The following B3GNT2 variants were observed in gnomAD, a reference collection of about 807,000 sequenced individuals.
The protein encoded by B3GNT2 is N-acetyllactosaminide beta-1,3-N-acetylglucosaminyltransferase 2.
In B3GNT2, 12 loss-of-function variants were observed where a neutral mutation model predicts 27.6. The ratio of observed to expected loss-of-function variants is 0.44; its 90% confidence interval spans 0.28 to 0.71. The LOEUF is 0.71. Ranked by LOEUF, B3GNT2 falls within the 30% of genes least tolerant of loss-of-function variation. B3GNT2 has a pLI of 0.17. For missense variants in B3GNT2, 413 were observed against 488.5 expected (o/e 0.85, Z 1.46); for synonymous variants, 192 against 189.7 (o/e 1.01, Z -0.10).
At chr2:62,216,903 C>T (rs544698592) in intron 1 of B3GNT2, among the ~76,000 whole-genome samples, 15 of 152,350 alleles carry the variant, frequency 9.8e-5, no homozygotes, top group Non-Finnish European at 2.2e-4. Context: ...TTCCCATGTT[C>T]CAGTACAATG....
chr2:62,218,555 C>A (rs985145692), intron 1 of B3GNT2, among the ~76,000 whole-genome samples: 1 of 152,128 alleles, frequency 6.6e-6, no homozygotes, highest in Non-Finnish European at 1.5e-5. Flanking sequence ...TGATCCCGTG[C>A]CATAATCAGC....
At chr2:62,201,956 C>G (rs543657949) in intron 1 of B3GNT2, among the ~76,000 whole-genome samples, 60 of 152,340 alleles carry the variant, frequency 3.9e-4, no homozygotes, top group African/African-American at 1.3e-3. Flanking sequence ...CTACTTGTAC[C>G]TTTGTTAGTG....
At chr2:62,208,141 A>G (rs1207490598) in intron 1 of B3GNT2, among the ~76,000 whole-genome samples, 2 of 152,082 alleles carry the variant, frequency 1.3e-5, no homozygotes, top group Non-Finnish European at 2.9e-5. Context: ...ATGTGAAAAT[A>G]GTCTCCTTGT....
chr2:62,206,696 A>G (rs1448126207), intron 1 of B3GNT2, among the ~76,000 whole-genome samples: 1 of 152,128 alleles, frequency 6.6e-6, no homozygotes, highest in East Asian at 1.9e-4. Context: ...GGCCTAGTAC[A>G]ACATTATTTA....
intron 1 of B3GNT2, among the ~76,000 whole-genome samples, chr2:62,204,407 G>A (rs1295701781): frequency 6.6e-6 from 1 of 152,192 alleles, no homozygotes; most frequent in Non-Finnish European, 1.5e-5. Context: ...ATTGTGGTGA[G>A]TTTTATGTGC....
At position 62,223,120 on chromosome 2, in the gene B3GNT2, C is replaced by T. The variant is rs1177740687; in HGVS notation, c.900C>T (p.Tyr300=). ...CAGAAGTTGTTTACTCTGGCCTCTA[C>T]CCACCCTATGCAGGGGGAGGGGGGT... is the stretch of plus-strand genomic sequence containing the variant. ...YIPEVVYSGL[Y]PPYAGGGGFL... Residue 300 remains tyrosine (Y), a synonymous_variant, in exon 2 of 2, where the codon TAC becomes TAT. Transcript: ENST00000301998. 2 of 1,614,162 alleles carry T rather than the reference C, an allele frequency of 1.2e-6. No homozygotes were observed.
At chr2:62,210,864 A>C (rs1674469677) in intron 1 of B3GNT2, among the ~76,000 whole-genome samples, 1 of 152,148 alleles carries the variant, frequency 6.6e-6, no homozygotes, top group Non-Finnish European at 1.5e-5. Context: ...AATCAGTGTG[A>C]CCTTTCTTTT....
At chr2:62,211,728 T>C (rs1005757589) in intron 1 of B3GNT2, among the ~76,000 whole-genome samples, 12 of 152,164 alleles carry the variant, frequency 7.9e-5, no homozygotes, top group African/African-American at 2.7e-4. Flanking sequence ...GCCCTTCTAG[T>C]GTGGCCTCAG....
chr2:62,198,620 A>T (rs1286584989), intron 1 of B3GNT2, among the ~76,000 whole-genome samples: 2 of 152,098 alleles, frequency 1.3e-5, no homozygotes, highest in Admixed American at 6.5e-5. Context: ...AAAATTATGA[A>T]TTTTTTTCTG....
intron 1 of B3GNT2, among the ~76,000 whole-genome samples, chr2:62,201,771 G>T (rs1311445826): frequency 6.6e-6 from 1 of 152,138 alleles, no homozygotes; most frequent in Non-Finnish European, 1.5e-5. Context: ...ACTTGATGTG[G>T]GTCCTTCTAA....
chr2:62,222,318 A>C lies in B3GNT2; in HGVS notation c.98A>C (p.Gln33Pro). ...FIMEVSKSSS[Q>P]EKNGKGEVII... ...ATGGAAGTCTCCAAAAGCAGTAGCC[A>C]AGAAAAAAATGGAAAAGGGGAAGTA... The change falls in exon 2 of 2, where the codon CAA (glutamine) becomes CCA (proline). Residue 33 changes from glutamine (Q) to proline (P), a missense_variant. Coordinates refer to ENST00000301998, the MANE Select transcript of B3GNT2 (RefSeq NM_006577.6). The surrounding 1 kb of genome is among the most constrained non-coding windows in gnomAD (Gnocchi z 4.2). 4 of 1,614,186 alleles carry C rather than the reference A, an allele frequency of 2.5e-6. No individual in the cohort carries two copies. The highest frequency in any genetic ancestry group is 3.4e-6 in the Non-Finnish European group (4 of 1,180,036).
intron 1 of B3GNT2, among the ~76,000 whole-genome samples, chr2:62,218,763 C>T (rs972896960): frequency 3.3e-5 from 5 of 152,340 alleles, no homozygotes; most frequent in Admixed American, 1.3e-4. Context: ...AGTGGCATCC[C>T]GTGCAATGAG....
At chr2:62,216,595 G>C (rs1379169697) in intron 1 of B3GNT2, among the ~76,000 whole-genome samples, 2 of 151,666 alleles carry the variant, frequency 1.3e-5, no homozygotes, top group Non-Finnish European at 1.5e-5. Flanking sequence ...GTAGACATGG[G>C]GTCTCGCTAT....
chr2:62,197,492 C>T (rs750067501), intron 1 of B3GNT2, among the ~76,000 whole-genome samples: 8 of 152,316 alleles, frequency 5.3e-5, no homozygotes, highest in Admixed American at 6.5e-5. Flanking sequence ...GTGGGCTTAG[C>T]TCACAGGTGC....
intron 1 of B3GNT2, among the ~76,000 whole-genome samples, chr2:62,197,948 C>A (rs886287635): frequency 6.6e-6 from 1 of 152,218 alleles, no homozygotes; most frequent in African/African-American, 2.4e-5. Flanking sequence ...GGAGCCCATG[C>A]GCTCTTAAAC....
At chr2:62,210,900 AG>A (rs1177670130) in intron 1 of B3GNT2, among the ~76,000 whole-genome samples, 1 of 152,170 alleles carries the variant, frequency 6.6e-6, no homozygotes, top group Non-Finnish European at 1.5e-5. Flanking sequence ...GGTGAGAGTG[AG>A]GGGAATAGCT....
intron 1 of B3GNT2, among the ~76,000 whole-genome samples, chr2:62,211,288 T>A (rs148807501): frequency 0.011 from 1,625 of 152,214 alleles, 38 homozygotes; most frequent in African/African-American, 0.037. Context: ...CCCAGGAGGT[T>A]GAGGCTGCAG....
intron 1 of B3GNT2, among the ~76,000 whole-genome samples, chr2:62,205,009 A>G (rs1299722627): frequency 3.3e-5 from 5 of 152,194 alleles, no homozygotes; most frequent in Non-Finnish European, 5.9e-5. Context: ...GCAGCCATCA[A>G]TTTAGAGATA....
rs1674709551 is a variant in B3GNT2, at chr2:62,222,134, G to A, written c.-9-78G>A. 2 of 1,271,928 alleles carry A rather than the reference G, an allele frequency of 1.6e-6. No individual in the cohort carries two copies. The highest frequency in any genetic ancestry group is 1.5e-5 in the South Asian group (1 of 67,150). 78.8% of individuals were successfully genotyped at this position (1,271,928 alleles called of 1,614,324 possible). ...CTTTGCTGTAAACCACTATTCCTGG[G>A]GAGACAGGTAAAATAAATTGTATGT... On this transcript the variant is annotated intron_variant, in intron 1 of 1. Coordinates refer to ENST00000301998, the MANE Select transcript of B3GNT2 (RefSeq NM_006577.6). The surrounding 1 kb of genome is among the most constrained non-coding windows in gnomAD (Gnocchi z 4.2).
Sources: gnomAD v4.1 joint callset for allele counts (sites outside exome capture counted in the v4.1 genomes callset) on GRCh38, gnomAD v4.1.1 for gene constraint, Gnocchi (gnomAD v3.1) non-coding constraint, MANE v1.5 for transcripts, NCBI Gene and HGNC (gene_info 2026-07-23, HGNC 2026-07-21) for gene names.